Variants in ATP13A4 observed in about 807,000 individuals in gnomAD.
ATP13A4 encodes the protein ATPase 13A4.
ATP13A4 carries 114 observed loss-of-function variants against 142.5 expected under a neutral mutation model. The observed-to-expected ratio is 0.80, with a 90% CI of 0.69 to 0.93. The LOEUF is 0.93. ATP13A4 is among the 40% of genes least tolerant of loss of function. ATP13A4 has a pLI of 0.00. For synonymous variants in ATP13A4, 488 were observed against 514.8 expected, an observed-to-expected ratio of 0.95 and a Z score of 0.70; for missense variants, 1,392 against 1,454.0, an observed-to-expected ratio of 0.96 and a Z score of 0.69.
Position 193,400,072 on chromosome 3 carries a change from A to G in ATP13A4, c.*2580T>C, listed in dbSNP as rs961811196. ...TGGTTAGGGCAGATGGCCTGAAGCC[A>G]TCCCCACTGTGATCTTTACCCATTT... On this transcript the variant is annotated 3_prime_UTR_variant, in exon 30 of 30. Transcript: ENST00000342695. 3.3e-5 allele frequency among the ~76,000 whole-genome samples: 5 copies of G among 152,166 alleles called. No individual in the cohort carries two copies. Among genetic ancestry groups the G allele is most frequent in the African/African-American group, 1.2e-4 (5 of 41,440 alleles).
chr3:193,477,856 T>C (rs1464950480), intron 8 of ATP13A4, among the ~76,000 whole-genome samples: 1 of 152,014 alleles, frequency 6.6e-6, no homozygotes, highest in Non-Finnish European at 1.5e-5. Context: ...TGAAGCAAAC[T>C]ACTGATCAGC....
chr3:193,472,996 G>T (rs566838399), intron 8 of ATP13A4, among the ~76,000 whole-genome samples: 83 of 152,200 alleles, frequency 5.5e-4, no homozygotes, highest in Non-Finnish European at 1.0e-3. Context: ...AAACATGTTT[G>T]CTAGTCTTCT....
chr3:193,496,813 A>C (rs867789046), intron 3 of ATP13A4, among the ~76,000 whole-genome samples: 5 of 148,818 alleles, frequency 3.4e-5, no homozygotes, highest in African/African-American at 7.6e-5. Flanking sequence ...TAAATAAATA[A>C]ATAAATAAAT....
intron 24 of ATP13A4, 47 bp downstream of exon 24, chr3:193,435,601 A>G (rs1477127934): frequency 1.4e-6 from 2 of 1,443,328 alleles, no homozygotes; most frequent in Non-Finnish European, 9.8e-7. Context: ...GTGCACCGCT[A>G]CTTGTTTTAG....
At chr3:193,534,907 A>C (rs576651824) in intron 1 of ATP13A4, among the ~76,000 whole-genome samples, 1 of 152,236 alleles carries the variant, frequency 6.6e-6, no homozygotes, top group Admixed American at 6.5e-5. Context: ...ACCTAAAGAA[A>C]TCTACAAAAA....
intron 25 of ATP13A4, among the ~76,000 whole-genome samples, chr3:193,417,558 A>G (rs1715128951): frequency 6.6e-6 from 1 of 152,232 alleles, no homozygotes; most frequent in Admixed American, 6.5e-5. Context: ...TATGTAATTT[A>G]AAAACCCACA....
chr3:193,569,574 C>T (rs575794391), intron 2 of ATP13A4, among the ~76,000 whole-genome samples: 3 of 152,056 alleles, frequency 2.0e-5, no homozygotes, highest in South Asian at 2.1e-4. Context: ...GAGAGGGTCT[C>T]GCTCTGTCAC....
chr3:193,441,403 C>A, intron 20 of ATP13A4, 63 bp downstream of exon 20: 1 of 1,590,364 alleles, frequency 6.3e-7, no homozygotes, highest in Non-Finnish European at 8.6e-7. Context: ...AATTTAGGAC[C>A]ATGTTCTGTA....
intron 3 of ATP13A4, among the ~76,000 whole-genome samples, chr3:193,499,437 T>G (rs75981897): frequency 6.6e-6 from 1 of 152,358 alleles, no homozygotes; most frequent in African/African-American, 2.4e-5. Context: ...CAGCTACTAT[T>G]TTTTGGGCAT....
Position 193,489,901 on chromosome 3 carries a change from G to C in ATP13A4, c.604-37C>G, listed in dbSNP as rs1002989592. 1.9e-6 allele frequency: 3 copies of C among 1,602,854 alleles called. No homozygotes were observed. In the African/African-American group the frequency reaches 4.0e-5, roughly 21 times the overall value. ...CATAAAAACAGGAAGACAAGGGAGA[G>C]TTTTAGGCTTCACTCTGCTCTTCAT... is the stretch of plus-strand genomic sequence containing the variant. On this transcript the variant is annotated intron_variant, in intron 6 of 29. Coordinates refer to ENST00000342695, the MANE Select transcript of ATP13A4 (RefSeq NM_032279.4).
In ATP13A4 at chr3:193,465,012, CTTCTT is replaced by C. The variant is rs1406318524; in HGVS notation, c.1384_1388del (p.Lys462GlufsTer7). On this transcript the variant is annotated frameshift_variant, in exon 12 of 30. Coordinates refer to ENST00000342695, the MANE Select transcript of ATP13A4 (RefSeq NM_032279.4). LOFTEE classifies it high-confidence loss of function. ...GGGGGCTAATGCAGAAGATGCCTCT[CTTCTT>C]CAGCCTCCTCTGGGCATAGATAATG... is the stretch of plus-strand genomic sequence containing the variant. 5.6e-6 allele frequency: 9 copies of C among 1,614,180 alleles called. No homozygotes were observed. Among genetic ancestry groups the C allele is most frequent in the Non-Finnish European group, 7.6e-6 (9 of 1,180,034 alleles).
intron 7 of ATP13A4, among the ~76,000 whole-genome samples, chr3:193,488,776 ATTGTT>A (rs1719780345): frequency 1.3e-5 from 2 of 152,310 alleles, no homozygotes; most frequent in South Asian, 4.1e-4. Context: ...AAGAGAAGAA[ATTGTT>A]TTGTTTGTTT....
chr3:193,566,160 T>C (rs1472644863), intron 2 of ATP13A4, among the ~76,000 whole-genome samples: 1 of 152,190 alleles, frequency 6.6e-6, no homozygotes, highest in Non-Finnish European at 1.5e-5. Flanking sequence ...TTTTAGACAA[T>C]GGTTCTCCTG....
chr3:193,543,815 A>C (rs530001344), intron 1 of ATP13A4, among the ~76,000 whole-genome samples: 1 of 152,354 alleles, frequency 6.6e-6, no homozygotes, highest in South Asian at 2.1e-4. Context: ...CAATGTTTTT[A>C]CCTTTTGCAT....
At chr3:193,436,833 G>C (rs1027751158) in intron 23 of ATP13A4, among the ~76,000 whole-genome samples, 4 of 140,658 alleles carry the variant, frequency 2.8e-5, no homozygotes, top group African/African-American at 1.3e-4. Flanking sequence ...GGCCGGGCGC[G>C]GTGGCTCACG....
intron 7 of ATP13A4, among the ~76,000 whole-genome samples, chr3:193,489,466 A>G (rs1264105539): frequency 1.3e-5 from 2 of 152,178 alleles, no homozygotes; most frequent in Admixed American, 6.5e-5. Context: ...ACAATTCATA[A>G]ACCTTTGGAT....
At chr3:193,433,368 A>AG (rs1179022955) in intron 25 of ATP13A4, among the ~76,000 whole-genome samples, 1 of 152,184 alleles carries the variant, frequency 6.6e-6, no homozygotes, top group East Asian at 1.9e-4. Context: ...CAGGAACATT[A>AG]GGGAGACAAT....
intron 20 of ATP13A4, 97 bp from the exon 21 acceptor site, chr3:193,440,734 T>TA (rs994031419): frequency 8.7e-5 from 112 of 1,291,556 alleles, no homozygotes; most frequent in Non-Finnish European, 1.2e-4. Flanking sequence ...TCATGACACT[T>TA]ACGATGAAGA....
In ATP13A4 at chr3:193,433,771, G is replaced by A. The variant is rs1013388908; in HGVS notation, c.2842+74C>T. 4.6e-6 allele frequency: 5 copies of A among 1,086,242 alleles called. No homozygotes were observed. The East Asian group carries it at 7.1e-5, about 15-fold the overall frequency. 67.3% of individuals were successfully genotyped at this position (1,086,242 alleles called of 1,614,324 possible). On this transcript the variant is annotated intron_variant, in intron 25 of 29. Transcript: ENST00000342695. ...GTTGCAGCTGCTGTTCCTCATGGTA[G>A]ACAAATCTTTCCAAGGCAGAGGGAG...
Sources: gnomAD v4.1 joint callset for allele counts (sites outside exome capture counted in the v4.1 genomes callset) on GRCh38, gnomAD v4.1.1 for gene constraint, MANE v1.5 for transcripts, NCBI Gene and HGNC (gene_info 2026-07-23, HGNC 2026-07-21) for gene names.